Variants in GULP1 observed in about 807,000 individuals in gnomAD.
GULP1 encodes the protein GULP PTB domain containing engulfment adaptor 1.
In GULP1, 19 loss-of-function variants were observed where a neutral mutation model predicts 40.9. The ratio of observed to expected loss-of-function variants is 0.46; its 90% confidence interval spans 0.32 to 0.68. GULP1 has a LOEUF of 0.68. GULP1 is among the 30% of genes least tolerant of loss of function. The probability of loss-of-function intolerance (pLI) is 0.03; values close to 1 mark genes in which losing one functional copy is unlikely to be tolerated. For synonymous variants in GULP1, 119 were observed against 117.6 expected (o/e 1.01, Z -0.08); for missense variants, 312 against 362.2 (o/e 0.86, Z 1.12).
At chr2:188,440,240 G>T (rs961477584) in intron 2 of GULP1, among the ~76,000 whole-genome samples, 3 of 152,184 alleles carry the variant, frequency 2.0e-5, no homozygotes, top group Non-Finnish European at 4.4e-5. Flanking sequence ...GCATCAGCCT[G>T]AGGGCAGAGA....
chr2:188,526,568 A>G (rs191463213), intron 5 of GULP1, among the ~76,000 whole-genome samples: 2 of 152,252 alleles, frequency 1.3e-5, no homozygotes, highest in East Asian at 3.9e-4. Context: ...GAGCATGCAA[A>G]CTATAGAATA....
At chr2:188,449,409 T>C (rs2058656248) in intron 2 of GULP1, among the ~76,000 whole-genome samples, 1 of 152,168 alleles carries the variant, frequency 6.6e-6, no homozygotes, top group South Asian at 2.1e-4. Flanking sequence ...GTCTCTATGA[T>C]TTGCAGCTTT....
intron 6 of GULP1, among the ~76,000 whole-genome samples, chr2:188,540,584 C>T (rs1485118855): frequency 6.6e-6 from 1 of 151,872 alleles, no homozygotes; most frequent in Non-Finnish European, 1.5e-5. Context: ...ATGAAAAATG[C>T]TACAGAAGTT....
At chr2:188,584,177 T>G in intron 9 of GULP1, 88 bp from the exon 10 acceptor site, 1 of 872,122 alleles carries the variant, frequency 1.1e-6, no homozygotes. Context: ...AAATTGTTGT[T>G]TACATATATT....
At chr2:188,483,363 CA>C in intron 3 of GULP1, 67 bp from the exon 4 acceptor site, 1 of 712,382 alleles carries the variant, frequency 1.4e-6, no homozygotes, top group Non-Finnish European at 2.5e-6. Context: ...AATTACCATA[CA>C]AATGGTAATG....
intron 7 of GULP1, among the ~76,000 whole-genome samples, chr2:188,557,127 A>G (rs535564404): frequency 1.3e-5 from 2 of 152,220 alleles, no homozygotes; most frequent in Admixed American, 6.5e-5. Flanking sequence ...ATTTGATAGG[A>G]ACACAGATCC....
At chr2:188,547,492 C>G (rs1433886774) in intron 7 of GULP1, among the ~76,000 whole-genome samples, 1 of 152,242 alleles carries the variant, frequency 6.6e-6, no homozygotes, top group Admixed American at 6.5e-5. Flanking sequence ...GAAGTCCAAT[C>G]TTCAAGGGCA....
intron 1 of GULP1, among the ~76,000 whole-genome samples, chr2:188,350,788 A>G (rs2044347830): frequency 1.3e-5 from 2 of 152,180 alleles, no homozygotes; most frequent in Admixed American, 6.5e-5. Flanking sequence ...GTACACCAGT[A>G]GATGAACCTG....
At chr2:188,581,701 A>G (rs563899556) in intron 9 of GULP1, among the ~76,000 whole-genome samples, 11 of 152,270 alleles carry the variant, frequency 7.2e-5, no homozygotes, top group African/African-American at 2.6e-4. Flanking sequence ...AAGTCTTACA[A>G]TTTGGAGCTC....
chr2:188,454,923 A>T (rs534207000), intron 2 of GULP1, among the ~76,000 whole-genome samples: 1 of 152,106 alleles, frequency 6.6e-6, no homozygotes, highest in African/African-American at 2.4e-5. Flanking sequence ...CTGAGTTCCA[A>T]TCCGGCCTGG....
intron 7 of GULP1, among the ~76,000 whole-genome samples, chr2:188,545,645 G>C (rs962939706): frequency 6.6e-6 from 1 of 151,720 alleles, no homozygotes; most frequent in Non-Finnish European, 1.5e-5. Context: ...AGCCCATAGA[G>C]ATGCAATGAA....
chr2:188,482,000 A>G (rs554042548), intron 3 of GULP1, among the ~76,000 whole-genome samples: 1 of 151,782 alleles, frequency 6.6e-6, no homozygotes, highest in South Asian at 2.1e-4. Context: ...AGAAAATACA[A>G]ATTTCACACA....
chr2:188,469,965 T>C (rs2060452602), intron 2 of GULP1, among the ~76,000 whole-genome samples: 1 of 152,180 alleles, frequency 6.6e-6, no homozygotes. Flanking sequence ...TCGCTAGTAC[T>C]GTGTTGAGGA....
chr2:188,349,376 G>T (rs1273225037), intron 1 of GULP1, among the ~76,000 whole-genome samples: 1 of 152,032 alleles, frequency 6.6e-6, no homozygotes, highest in African/African-American at 2.4e-5. Context: ...ATATATGAGG[G>T]TTCCAATTTC....
At chr2:188,380,885 G>A (rs1046196912) in intron 1 of GULP1, among the ~76,000 whole-genome samples, 3 of 152,054 alleles carry the variant, frequency 2.0e-5, no homozygotes, top group African/African-American at 7.2e-5. Flanking sequence ...TCATATTGCA[G>A]CATTAATAAT....
At chr2:188,423,563 A>G (rs2055749114) in intron 2 of GULP1, among the ~76,000 whole-genome samples, 1 of 151,724 alleles carries the variant, frequency 6.6e-6, no homozygotes, top group African/African-American at 2.4e-5. Context: ...GTACTCTTAG[A>G]TATCTTGAGA....
At chr2:188,320,137 C>A (rs2039753545) in intron 1 of GULP1, among the ~76,000 whole-genome samples, 1 of 152,108 alleles carries the variant, frequency 6.6e-6, no homozygotes, top group Admixed American at 6.6e-5. Flanking sequence ...TGCCAAATGT[C>A]CGCTGGGAGG....
chr2:188,373,773 A>T (rs548186031), intron 1 of GULP1, among the ~76,000 whole-genome samples: 30 of 152,058 alleles, frequency 2.0e-4, no homozygotes, highest in African/African-American at 6.7e-4. Context: ...GCTTCCAGTG[A>T]TTTCTTCATT....
intron 2 of GULP1, among the ~76,000 whole-genome samples, chr2:188,441,218 A>G (rs2057897644): frequency 6.6e-6 from 1 of 152,226 alleles, no homozygotes; most frequent in Admixed American, 6.5e-5. Flanking sequence ...CCATCTGCTT[A>G]GAGGAAACCA....
Sources: allele counts gnomAD v4.1 joint callset (sites outside exome capture counted in the v4.1 genomes callset), GRCh38; gene constraint gnomAD v4.1.1; transcripts MANE v1.5; gene names NCBI Gene and HGNC (gene_info 2026-07-23, HGNC 2026-07-21).